Variants in PUS10 observed in about 807,000 individuals in gnomAD.
PUS10 encodes pseudouridine synthase 10, also known as tRNA pseudouridine synthase Pus10.
PUS10 carries 59 observed loss-of-function variants against 75.0 expected under a neutral mutation model. The observed-to-expected ratio is 0.79, with a 90% CI of 0.64 to 0.98. The LOEUF is 0.98. Ranked by LOEUF, PUS10 falls within the 50% of genes least tolerant of loss-of-function variation. The pLI is 0.00. For synonymous variants in PUS10, 219 were observed against 211.6 expected, an observed-to-expected ratio of 1.03 and a Z score of -0.30; for missense variants, 650 against 614.4, an observed-to-expected ratio of 1.06 and a Z score of -0.61.
intron 2 of PUS10, chr2:61,010,416 C>T (rs978872779): frequency 5.3e-6 from 1 of 188,042 alleles, no homozygotes; most frequent in Non-Finnish European, 1.1e-5. Flanking sequence ...CACCCCCCAC[C>T]CCTGGGTTCA....
chr2:60,955,416 A>G (rs546252392), intron 11 of PUS10, among the ~76,000 whole-genome samples: 1 of 152,218 alleles, frequency 6.6e-6, no homozygotes, highest in African/African-American at 2.4e-5. Flanking sequence ...TGCAGCCTCA[A>G]ACTCCTGGGC....
intron 4 of PUS10, among the ~76,000 whole-genome samples, chr2:60,982,875 GC>G (rs745995931): frequency 2.6e-5 from 4 of 151,676 alleles, no homozygotes; most frequent in Non-Finnish European, 4.4e-5. Context: ...TGACACCCAG[GC>G]TGGAGCTCAG....
At chr2:61,013,548 T>C (rs2104754774) in intron 1 of PUS10, among the ~76,000 whole-genome samples, 1 of 152,380 alleles carries the variant, frequency 6.6e-6, no homozygotes, top group African/African-American at 2.4e-5. Context: ...GGCTCCTGTG[T>C]ATACACATTA....
At chr2:60,956,661 T>G (rs1157861987) in intron 11 of PUS10, among the ~76,000 whole-genome samples, 5 of 152,188 alleles carry the variant, frequency 3.3e-5, no homozygotes, top group Admixed American at 2.6e-4. Flanking sequence ...AGAAGCCATA[T>G]TTACTGATCT....
intron 4 of PUS10, among the ~76,000 whole-genome samples, chr2:60,979,387 G>A (rs972958449): frequency 6.6e-6 from 1 of 152,182 alleles, no homozygotes; most frequent in African/African-American, 2.4e-5. Flanking sequence ...GGTTGTGGCA[G>A]CATGCTATAA....
intron 1 of PUS10, among the ~76,000 whole-genome samples, chr2:61,015,822 G>T (rs1679939767): frequency 1.3e-5 from 2 of 152,174 alleles, no homozygotes; most frequent in South Asian, 4.1e-4. Context: ...GATGCTGTGA[G>T]GGGCGAATAT....
At chr2:60,987,033 T>G (rs759568316) in intron 4 of PUS10, among the ~76,000 whole-genome samples, 1 of 152,232 alleles carries the variant, frequency 6.6e-6, no homozygotes, top group Non-Finnish European at 1.5e-5. Flanking sequence ...ATAAATTAAG[T>G]TGCTTCTTAA....
intron 4 of PUS10, among the ~76,000 whole-genome samples, chr2:60,977,390 T>G (rs1158079104): frequency 6.6e-6 from 1 of 152,142 alleles, no homozygotes; most frequent in East Asian, 1.9e-4. Flanking sequence ...ACTGGAAAGT[T>G]CAGAAGGTTT....
chr2:61,010,039 A>C (rs1679497915), intron 2 of PUS10: 1 of 152,370 alleles, frequency 6.6e-6, no homozygotes, highest in African/African-American at 2.4e-5. Flanking sequence ...AATAGAACAG[A>C]TCAAAATTTA....
chr2:60,942,574 A>C (rs1026257618), intron 17 of PUS10, 141 bp from the exon 18 acceptor site: 1 of 667,538 alleles, frequency 1.5e-6, no homozygotes, highest in Non-Finnish European at 2.6e-6. Flanking sequence ...TGAATACCAT[A>C]AATTAACCCT....
chr2:60,992,982 A>G (rs1270347080), intron 4 of PUS10, among the ~76,000 whole-genome samples: 1 of 152,250 alleles, frequency 6.6e-6, no homozygotes, highest in East Asian at 1.9e-4. Context: ...ATAAAAAACT[A>G]GCCCTCTGCA....
At chr2:60,954,298 G>A (rs1675522125) in intron 12 of PUS10, 140 bp from the exon 13 acceptor site, 1 of 705,686 alleles carries the variant, frequency 1.4e-6, no homozygotes, top group Non-Finnish European at 2.5e-6. Flanking sequence ...ACATCTGAGG[G>A]AGGGAAGAAT....
chr2:60,967,666 T>G (rs1676424946), intron 5 of PUS10, 53 bp from the exon 6 acceptor site: 1 of 1,228,920 alleles, frequency 8.1e-7, no homozygotes, highest in Non-Finnish European at 1.2e-6. Flanking sequence ...CTTTTTCTAT[T>G]AAAGGCAAGA....
intron 4 of PUS10, among the ~76,000 whole-genome samples, chr2:60,981,748 T>C (rs1270019999): frequency 1.3e-5 from 2 of 152,338 alleles, no homozygotes; most frequent in East Asian, 3.9e-4. Flanking sequence ...TACATCTTAA[T>C]AGGAGATACC....
intron 16 of PUS10, 103 bp from the exon 17 acceptor site, chr2:60,945,211 A>C: frequency 1.3e-6 from 1 of 754,848 alleles, no homozygotes; most frequent in South Asian, 1.6e-5. Flanking sequence ...GTTACAAAAG[A>C]AAGGTTACTT....
intron 15 of PUS10, 42 bp downstream of exon 15, chr2:60,952,955 A>C (rs749263420): frequency 9.2e-7 from 1 of 1,090,320 alleles, no homozygotes; most frequent in Non-Finnish European, 1.4e-6. Flanking sequence ...TTTGATAGGC[A>C]ACAGAAAAAT....
At chr2:61,013,076 AC>A (rs1483251973) in intron 1 of PUS10, among the ~76,000 whole-genome samples, 1 of 150,140 alleles carries the variant, frequency 6.7e-6, no homozygotes, top group Non-Finnish European at 1.5e-5. Flanking sequence ...AACCCACAAG[AC>A]CCTGTCTCTA....
chr2:60,991,900 G>C (rs1022903042), intron 4 of PUS10, among the ~76,000 whole-genome samples: 1 of 152,150 alleles, frequency 6.6e-6, no homozygotes, highest in Admixed American at 6.5e-5. Flanking sequence ...CCAATTTAAC[G>C]TGGTAGGGGA....
chr2:60,971,742 G>C (rs1336101672), intron 4 of PUS10, among the ~76,000 whole-genome samples, 185 bp from the exon 5 acceptor site: 1 of 152,018 alleles, frequency 6.6e-6, no homozygotes, highest in Non-Finnish European at 1.5e-5. Context: ...AATGAGGTAA[G>C]ATTTTATTTT....
Sources: allele counts gnomAD v4.1 joint callset (sites outside exome capture counted in the v4.1 genomes callset), GRCh38; gene constraint gnomAD v4.1.1; transcripts MANE v1.5; gene names NCBI Gene and HGNC (gene_info 2026-07-23, HGNC 2026-07-21).